Variants in B4GALNT3 observed in about 807,000 individuals in gnomAD.
The protein encoded by B4GALNT3 is beta-1,4-N-acetyl-galactosaminyltransferase 3, also known as beta-1,4-N-acetylgalactosaminyltransferase 3.
B4GALNT3 carries 86 observed loss-of-function variants against 120.2 expected under a neutral mutation model. The observed-to-expected ratio is 0.72, with a 90% CI of 0.60 to 0.86. The LOEUF is 0.86. Ranked by LOEUF, B4GALNT3 falls within the 40% of genes least tolerant of loss-of-function variation. The pLI is 0.00. For missense variants in B4GALNT3, 1,167 were observed against 1,298.9 expected (o/e 0.90, Z 1.56); for synonymous variants, 518 against 510.4 (o/e 1.01, Z -0.20).
intron 1 of B4GALNT3, among the ~76,000 whole-genome samples, chr12:515,570 T>A (rs1406106712): frequency 6.6e-6 from 1 of 152,176 alleles, no homozygotes. Flanking sequence ...ATATTGTAAA[T>A]GCTAAATGTG....
intron 9 of B4GALNT3, among the ~76,000 whole-genome samples, chr12:549,202 C>G (rs181477760): frequency 6.6e-6 from 1 of 152,144 alleles, no homozygotes; most frequent in African/African-American, 2.4e-5. Context: ...GCCAGCCCCC[C>G]ACCCCCCTTC....
intron 1 of B4GALNT3, 81 bp from the exon 2 acceptor site, chr12:535,085 C>G: frequency 2.5e-6 from 3 of 1,196,044 alleles, no homozygotes; most frequent in Non-Finnish European, 3.6e-6. Context: ...ACGGTTCCCT[C>G]CATTAACCTC....
At chr12:512,741 GACCTTCC>G (rs1185805341) in intron 1 of B4GALNT3, among the ~76,000 whole-genome samples, 16 of 41,854 alleles carry the variant, frequency 3.8e-4, no homozygotes, top group Admixed American at 1.2e-3. Context: ...TTCCACCTTT[GACCTTCC>G]ACCTTCCACC....
intron 1 of B4GALNT3, among the ~76,000 whole-genome samples, chr12:497,423 G>A (rs577999426): frequency 9.2e-5 from 14 of 152,162 alleles, no homozygotes; most frequent in African/African-American, 2.9e-4. Context: ...GATTACAGGC[G>A]TGAGCCACTG....
chr12:462,272 G>C (rs1383608470), intron 1 of B4GALNT3, among the ~76,000 whole-genome samples: 1 of 151,916 alleles, frequency 6.6e-6, no homozygotes, highest in African/African-American at 2.4e-5. Context: ...GTGGGATCTT[G>C]TGCACAAATT....
chr12:539,957 A>G (rs1012416782), intron 3 of B4GALNT3, among the ~76,000 whole-genome samples: 18 of 152,210 alleles, frequency 1.2e-4, no homozygotes, highest in African/African-American at 3.9e-4. Context: ...GAAACTCTGA[A>G]CAGGACATAG....
chr12:530,579 C>T (rs1179475041), intron 1 of B4GALNT3, among the ~76,000 whole-genome samples: 1 of 152,186 alleles, frequency 6.6e-6, no homozygotes, highest in East Asian at 1.9e-4. Flanking sequence ...TTATTATGTT[C>T]TGGGTAATAA....
intron 1 of B4GALNT3, among the ~76,000 whole-genome samples, chr12:489,457 A>G (rs1208794309): frequency 6.6e-6 from 1 of 152,208 alleles, no homozygotes; most frequent in African/African-American, 2.4e-5. Context: ...TTTAATAATC[A>G]TTTTAACTGT....
chr12:537,693 T>A (rs1443103955), intron 3 of B4GALNT3, among the ~76,000 whole-genome samples: 3 of 152,186 alleles, frequency 2.0e-5, no homozygotes, highest in Non-Finnish European at 1.5e-5. Context: ...AATTTTAAAT[T>A]TGAGTTTCCT....
At chr12:490,978 C>T (rs1202445337) in intron 1 of B4GALNT3, among the ~76,000 whole-genome samples, 1 of 152,106 alleles carries the variant, frequency 6.6e-6, no homozygotes, top group East Asian at 1.9e-4. Context: ...CATTTCTCTA[C>T]AATCTCTTCT....
intron 1 of B4GALNT3, among the ~76,000 whole-genome samples, chr12:502,731 C>T (rs976641763): frequency 1.3e-5 from 2 of 152,016 alleles, no homozygotes; most frequent in African/African-American, 4.8e-5. Context: ...GCACTTTTTC[C>T]TTTTTGTTTA....
At chr12:512,378 C>G (rs1321573075) in intron 1 of B4GALNT3, among the ~76,000 whole-genome samples, 3 of 144,166 alleles carry the variant, frequency 2.1e-5, no homozygotes, top group Non-Finnish European at 3.0e-5. Context: ...TTCCACCTTC[C>G]ACCTTCCACC....
Position 562,139 on chromosome 12 carries a change from G to A in B4GALNT3, c.*688G>A, listed in dbSNP as rs752244915. ...TCACGTCAGACCAGAAGCACAGAAC[G>A]GGCTGTTTCTGGTGCTTGGGCATTG... On this transcript the variant is annotated 3_prime_UTR_variant, in exon 20 of 20. Coordinates refer to ENST00000266383, the MANE Select transcript of B4GALNT3 (RefSeq NM_173593.4). This position sits in a 1 kb window ranked among gnomAD's most constrained non-coding sequence, Gnocchi z 5.2. 4 of 152,392 alleles carry A rather than the reference G, an allele frequency of 2.6e-5. No individual in the cohort carries two copies. The highest frequency in any genetic ancestry group is 4.4e-5 in the Non-Finnish European group (3 of 68,158). The allele number at this position is 152,392 out of a possible 1,614,324, so 9.4% of individuals were successfully genotyped here. A position where few individuals can be genotyped will look rare whatever the true frequency, so the allele number is the denominator to read the frequency against.
In B4GALNT3 at chr12:553,513, C is replaced by G. The variant is rs550087703; in HGVS notation, c.1590C>G (p.Asp530Glu). 2.5e-6 allele frequency: 4 copies of G among 1,614,124 alleles called. No homozygotes were observed. The East Asian group carries it at 6.7e-5, about 27-fold the overall frequency. The stretch of plus-strand genomic sequence containing the variant: ...CCAGCCAAGATTCACCTCATTCCGA[C>G]AAGTGGCCTCCTGGGCACCCTGTGA... ...PEPSQDSPHS[D>E]KWPPGHPVKN... is the part of the protein sequence containing the mutation. The change falls in exon 14 of 20, where the codon GAC becomes GAG. Residue 530 changes from aspartate (D) to glutamate (E), a missense_variant. Asp to Glu is a conservative substitution (Grantham distance 45). Around this residue, in one of 3 missense-constraint regions of B4GALNT3, gnomAD observed 983 missense variants for 1,102.5 expected, o/e 0.89. Transcript: ENST00000266383.
rs751875145 is a variant in B4GALNT3, at chr12:552,089, T to G, written c.1134T>G (p.Asn378Lys). 1.2e-6 allele frequency: 2 copies of G among 1,612,468 alleles called. No homozygotes were observed. The highest frequency in any genetic ancestry group is 1.7e-6 in the Non-Finnish European group (2 of 1,178,576). Residue 378 changes from asparagine to lysine, a missense_variant, in exon 12 of 20, where the codon AAT becomes AAG. By Grantham distance (94) the Asn-to-Lys change is moderately conservative (BLOSUM62 0). Coordinates refer to ENST00000266383, the MANE Select transcript of B4GALNT3 (RefSeq NM_173593.4). The stretch of plus-strand genomic sequence containing the variant: ...TTCATCTGTCTTTTGTTTACCCCAA[T>G]GACTATACCCGCCTGAGCCACATGG... ...RFVHLSFVYP[N>K]DYTRLSHMET...
intron 1 of B4GALNT3, among the ~76,000 whole-genome samples, chr12:514,000 GAAT>G (rs1946624480): frequency 6.6e-6 from 1 of 152,184 alleles, no homozygotes; most frequent in African/African-American, 2.4e-5. Flanking sequence ...TGGCTATTAG[GAAT>G]AATGCTGCGC....
intron 1 of B4GALNT3, among the ~76,000 whole-genome samples, chr12:476,592 C>T (rs1235051442): frequency 6.6e-6 from 1 of 152,168 alleles, no homozygotes; most frequent in African/African-American, 2.4e-5. Context: ...GCCTGGGTGA[C>T]AGAGCAAGGC....
chr12:465,656 G>A (rs1035689151), intron 1 of B4GALNT3, among the ~76,000 whole-genome samples: 1 of 152,138 alleles, frequency 6.6e-6, no homozygotes, highest in African/African-American at 2.4e-5. Flanking sequence ...GATGTGGCCG[G>A]CGAACCTCAG....
At chr12:518,659 C>CA (rs1204307350) in intron 1 of B4GALNT3, among the ~76,000 whole-genome samples, 1 of 152,174 alleles carries the variant, frequency 6.6e-6, no homozygotes, top group Non-Finnish European at 1.5e-5. Context: ...CTCAGCCTCT[C>CA]AGAGTACTAG....
Sources: allele counts gnomAD v4.1 joint callset (sites outside exome capture counted in the v4.1 genomes callset), GRCh38; gene constraint gnomAD v4.1.1; regional missense constraint gnomAD v4.1.1; non-coding constraint Gnocchi (gnomAD v3.1); transcripts MANE v1.5; gene names NCBI Gene and HGNC (gene_info 2026-07-23, HGNC 2026-07-21).